FMN1: variants seen among roughly 807,000 people sequenced by gnomAD.
The protein encoded by FMN1 is formin 1, also known as formin-1.
In FMN1, 110 loss-of-function variants were observed where a neutral mutation model predicts 132.4. The ratio of observed to expected loss-of-function variants is 0.83; its 90% CI spans 0.71 to 0.97. FMN1 has a LOEUF of 0.97. Ranked by LOEUF, FMN1 falls within the 50% of genes least tolerant of loss-of-function variation. The pLI is 0.00. For synonymous variants in FMN1, 722 were observed against 651.7 expected (o/e 1.11, Z -1.64); for missense variants, 1,792 against 1,705.3 (o/e 1.05, Z -0.90).
intron 15 of FMN1, among the ~76,000 whole-genome samples, chr15:32,896,858 T>C (rs971977872): frequency 6.6e-6 from 1 of 152,210 alleles, no homozygotes; most frequent in African/African-American, 2.4e-5. Flanking sequence ...TTGTGAACAA[T>C]GTTTCAATGA....
rs551821414 is a variant in FMN1, at chr15:32,882,597, T to C, written c.3835+5575A>G. On this transcript the variant is annotated intron_variant, in intron 16 of 20. Coordinates refer to ENST00000616417, the MANE Select transcript of FMN1 (RefSeq NM_001277313.2). ...TAATAAAAAACGAACTGACTTCTAGTTGACTTTATTATTGCTTTTAGATTC... is the reference window on the plus strand; with the variant it reads ...TAATAAAAAACGAACTGACTTCTAGCTGACTTTATTATTGCTTTTAGATTC... Among the ~76,000 whole-genome samples, 7 of 152,316 alleles carry C rather than the reference T, an allele frequency of 4.6e-5. No individual in the cohort carries two copies. The East Asian group carries it at 1.3e-3, about 29-fold the overall frequency.
At chr15:33,017,478 A>AT (rs929506976) in intron 6 of FMN1, among the ~76,000 whole-genome samples, 105 of 150,618 alleles carry the variant, frequency 7.0e-4, no homozygotes, top group East Asian at 5.7e-3. Context: ...AAAATAGTTG[A>AT]TTTTTTTTTT....
intron 7 of FMN1, among the ~76,000 whole-genome samples, chr15:32,979,576 AAAAG>A (rs2032488664): frequency 2.0e-5 from 3 of 151,352 alleles, no homozygotes; most frequent in South Asian, 2.1e-4. Context: ...AAAAAAAAAA[AAAAG>A]AAACCATTCA....
chr15:32,813,146 G>C (rs2057943475), intron 17 of FMN1, among the ~76,000 whole-genome samples: 1 of 152,140 alleles, frequency 6.6e-6, no homozygotes, highest in South Asian at 2.1e-4. Flanking sequence ...AATGGGTGTA[G>C]GTTATAGCAA....
At position 32,778,123 on chromosome 15, in the gene FMN1, T is replaced by G. The variant is rs182042950; in HGVS notation, c.4131-1204A>C. ...ATATTATGTATAATATATAATACATTTATTATATATTATGTATAATATATA... is the reference window on the plus strand; with the variant it reads ...ATATTATGTATAATATATAATACATGTATTATATATTATGTATAATATATA... On this transcript the variant is annotated intron_variant, in intron 19 of 20. Transcript: ENST00000616417. Among the ~76,000 whole-genome samples the G allele has an allele frequency of 3.4e-3, 134 of 39,568 alleles. 32 individuals carry two copies. Among genetic ancestry groups the G allele is most frequent in the Non-Finnish European group, 3.9e-3 (72 of 18,346 alleles). 26.0% of individuals were successfully genotyped at this position (39,568 alleles called of 152,430 possible). A position where few individuals can be genotyped will look rare whatever the true frequency, so the allele number is the denominator to read the frequency against.
intron 5 of FMN1, among the ~76,000 whole-genome samples, chr15:33,065,808 C>A (rs761108935): frequency 6.6e-6 from 1 of 152,128 alleles, no homozygotes; most frequent in African/African-American, 2.4e-5. Flanking sequence ...CAGGTACTTG[C>A]TCATCTTTAT....
chr15:32,843,197 A>G (rs534168984), intron 17 of FMN1, among the ~76,000 whole-genome samples: 11 of 144,196 alleles, frequency 7.6e-5, no homozygotes, highest in Admixed American at 2.1e-4. Flanking sequence ...GCAATTCTAA[A>G]GCCAGCCTGT....
chr15:32,949,001 C>CT (rs147447888), intron 9 of FMN1, among the ~76,000 whole-genome samples: 141 of 152,018 alleles, frequency 9.3e-4, no homozygotes, highest in Middle Eastern at 3.4e-3. Flanking sequence ...AGGCACTTAA[C>CT]TGATTTTTGA....
chr15:32,833,711 A>T (rs1018784405), intron 17 of FMN1, among the ~76,000 whole-genome samples: 2 of 152,212 alleles, frequency 1.3e-5, no homozygotes, highest in African/African-American at 4.8e-5. Context: ...ACTTATGAGT[A>T]ACTTCTGTAA....
intron 7 of FMN1, among the ~76,000 whole-genome samples, chr15:33,006,419 A>AAG (rs2034419036): frequency 6.6e-6 from 1 of 152,188 alleles, no homozygotes; most frequent in African/African-American, 2.4e-5. Context: ...GATATGGAAA[A>AAG]AGAGAACCCA....
chr15:32,831,778 G>A (rs58586003), intron 17 of FMN1, among the ~76,000 whole-genome samples: 29,902 of 149,522 alleles, frequency 0.2, 3,343 homozygotes, highest in East Asian at 0.51. Context: ...TGATTCTTAA[G>A]GATGAAGAAT....
chr15:32,938,933 G>A lies in FMN1; in HGVS notation c.3139-12672C>T, dbSNP rs138185724. Among the ~76,000 whole-genome samples the A allele has an allele frequency of 4.2e-3, 633 of 151,896 alleles. 3 individuals are homozygous for A. Among genetic ancestry groups the A allele is most frequent in the Non-Finnish European group, 7.2e-3 (490 of 67,956 alleles). On this transcript the variant is annotated intron_variant, in intron 9 of 20. Transcript: ENST00000616417. ...TACAATACAAATACACTTAAATAAG[G>A]GCTTAGCTAAATAAGACGAAAAAAG...
At chr15:32,973,729 C>G (rs572939190) in intron 7 of FMN1, among the ~76,000 whole-genome samples, 22 of 152,290 alleles carry the variant, frequency 1.4e-4, no homozygotes, top group African/African-American at 4.8e-4. Context: ...CTCTGTCTGT[C>G]CATATCATAC....
intron 16 of FMN1, among the ~76,000 whole-genome samples, chr15:32,873,225 T>G (rs886771904): frequency 6.6e-6 from 1 of 152,244 alleles, no homozygotes; most frequent in African/African-American, 2.4e-5. Flanking sequence ...GGGAGAATTG[T>G]GGCCTATAAA....
At chr15:33,049,812 T>C (rs992908857) in intron 6 of FMN1, among the ~76,000 whole-genome samples, 7 of 152,240 alleles carry the variant, frequency 4.6e-5, no homozygotes, top group Admixed American at 2.6e-4. Context: ...ACTTCACTTA[T>C]GTTTTCTGTA....
At chr15:32,935,462 G>C (rs955816276) in intron 9 of FMN1, among the ~76,000 whole-genome samples, 1 of 151,930 alleles carries the variant, frequency 6.6e-6, no homozygotes, top group Non-Finnish European at 1.5e-5. Context: ...TCTTGTAATC[G>C]GGATCCATCG....
intron 19 of FMN1, among the ~76,000 whole-genome samples, chr15:32,777,729 T>C (rs1170966516): frequency 7.1e-6 from 1 of 140,034 alleles, no homozygotes; most frequent in African/African-American, 2.7e-5. Flanking sequence ...ACGTATAATA[T>C]ATAATACATT....
At chr15:32,866,581 G>A (rs1245979225) in intron 16 of FMN1, among the ~76,000 whole-genome samples, 1 of 152,118 alleles carries the variant, frequency 6.6e-6, no homozygotes, top group Non-Finnish European at 1.5e-5. Flanking sequence ...CATTCCTAAT[G>A]TTTGTGTGTT....
chr15:33,119,021 C>A (rs1962298541), intron 4 of FMN1, among the ~76,000 whole-genome samples: 1 of 152,102 alleles, frequency 6.6e-6, no homozygotes, highest in Non-Finnish European at 1.5e-5. Context: ...GAGATCAGCA[C>A]CCCTGCAGGT....
Sources: gnomAD v4.1 joint callset for allele counts (sites outside exome capture counted in the v4.1 genomes callset) on GRCh38, gnomAD v4.1.1 for gene constraint, MANE v1.5 for transcripts, NCBI Gene and HGNC (gene_info 2026-07-23, HGNC 2026-07-21) for gene names.